The following VTA1 variants were observed in gnomAD, a reference collection of about 807,000 sequenced individuals.
The protein encoded by VTA1 is vesicle trafficking 1, also known as vacuolar protein sorting-associated protein VTA1 homolog.
VTA1 carries 24 observed loss-of-function variants against 36.9 expected under a neutral mutation model. That is an observed-to-expected ratio of 0.65 (90% CI 0.47 to 0.91). The LOEUF (loss-of-function observed/expected upper bound fraction) is 0.91, where lower values mean the gene tolerates loss of function less well. Among genes scored for constraint, VTA1 ranks in the 40% least tolerant of loss-of-function variants. The pLI is 0.00. For synonymous variants in VTA1, 142 were observed against 130.2 expected (o/e 1.09, Z -0.62); for missense variants, 393 against 377.2 (o/e 1.04, Z -0.35).
chr6:142,220,030 A>G lies in VTA1; in HGVS notation c.*1387A>G, dbSNP rs942376085. ...GGAAAAAACAAATCACTAACTCATA[A>G]TCATTTATATCCATTATTTTCTGCA... On this transcript the variant is annotated 3_prime_UTR_variant, in exon 8 of 8. Coordinates refer to ENST00000367630, the MANE Select transcript of VTA1 (RefSeq NM_016485.5). The G allele has an allele frequency of 3.3e-5, 5 of 152,182 alleles. No individual in the cohort carries two copies. The highest frequency in any genetic ancestry group is 5.9e-5 in the Non-Finnish European group (4 of 68,030). The allele number at this position is 152,182 out of a possible 1,614,324, so 9.4% of individuals were successfully genotyped here.
At chr6:142,200,964 AC>A (rs1265485349) in intron 6 of VTA1, among the ~76,000 whole-genome samples, 1 of 151,980 alleles carries the variant, frequency 6.6e-6, no homozygotes, top group Admixed American at 6.5e-5. Context: ...CTCTCAAGAG[AC>A]TAAGCAATTA....
chr6:142,165,625 A>T (rs1774897219), intron 1 of VTA1, among the ~76,000 whole-genome samples: 2 of 152,222 alleles, frequency 1.3e-5, no homozygotes, highest in African/African-American at 4.8e-5. Context: ...TGTAAACATC[A>T]GTGGTAACAG....
In VTA1 at chr6:142,220,057, A is replaced by G. The variant is rs993558333; in HGVS notation, c.*1414A>G. ...CATTTATATCCATTATTTTCTGCAT[A>G]AATGTAATGCTATTGTACAGGGTTT... On this transcript the variant is annotated 3_prime_UTR_variant, in exon 8 of 8. Transcript: ENST00000367630. 2 of 152,224 alleles carry G rather than the reference A, an allele frequency of 1.3e-5. No individual in the cohort carries two copies. The highest frequency in any genetic ancestry group is 2.9e-5 in the Non-Finnish European group (2 of 68,050). The allele number at this position is 152,224 out of a possible 1,614,324, so 9.4% of individuals were successfully genotyped here.
In VTA1 at chr6:142,177,375, C is replaced by G. The variant is rs9389976; in HGVS notation, c.411+6954C>G. On this transcript the variant is annotated intron_variant, in intron 4 of 7. Transcript: ENST00000367630. ...TAAGTTAACTTATGTAAGCCTGTTTCAACATACGTAAGATGATGAAAATTG... is the reference window on the plus strand; with the variant it reads ...TAAGTTAACTTATGTAAGCCTGTTTGAACATACGTAAGATGATGAAAATTG... Among the ~76,000 whole-genome samples the G allele has an allele frequency of 5.3e-5, 8 of 152,274 alleles. No homozygotes were observed. In the East Asian group the frequency reaches 1.5e-3, roughly 29 times the overall value.
At chr6:142,192,700 ATTTG>A (rs1775477361) in intron 5 of VTA1, among the ~76,000 whole-genome samples, 1 of 85,006 alleles carries the variant, frequency 1.2e-5, no homozygotes, top group Non-Finnish European at 2.5e-5. Flanking sequence ...TATTTTATAT[ATTTG>A]TGTGTGTGTG....
At chr6:142,148,512 G>A (rs9399394) in intron 1 of VTA1, among the ~76,000 whole-genome samples, 39,662 of 152,000 alleles carry the variant, frequency 0.26, 5,845 homozygotes, top group East Asian at 0.68. Flanking sequence ...TCCTCAAGCA[G>A]GGTCCATATT....
chr6:142,150,713 G>A (rs1778551335), intron 1 of VTA1, among the ~76,000 whole-genome samples: 3 of 152,122 alleles, frequency 2.0e-5, no homozygotes, highest in African/African-American at 7.2e-5. Context: ...GGGAGTTCAA[G>A]ACCAGCCTGA....
At position 142,200,247 on chromosome 6, in the gene VTA1, T is replaced by G. The variant is rs1405656581; in HGVS notation, c.697+1632T>G. ...GGGAAAAACTGTAAAAATGGACTAG[T>G]AGTAGGCCTATCACAAAATCAGTGT... On this transcript the variant is annotated intron_variant, in intron 6 of 7. Coordinates refer to ENST00000367630, the MANE Select transcript of VTA1 (RefSeq NM_016485.5). Among the ~76,000 whole-genome samples, 11 of 152,082 alleles carry G rather than the reference T, an allele frequency of 7.2e-5. No homozygotes were observed. In the East Asian group the frequency reaches 2.1e-3, roughly 29 times the overall value.
At chr6:142,187,628 T>C (rs1176471312) in intron 4 of VTA1, among the ~76,000 whole-genome samples, 1 of 152,214 alleles carries the variant, frequency 6.6e-6, no homozygotes, top group Non-Finnish European at 1.5e-5. Context: ...ATACTTCTGT[T>C]GGAAAGCTCA....
intron 5 of VTA1, among the ~76,000 whole-genome samples, chr6:142,190,412 A>G (rs1029779131): frequency 6.6e-6 from 1 of 152,178 alleles, no homozygotes; most frequent in African/African-American, 2.4e-5. Context: ...CTGGTAATAT[A>G]CATACTGTTC....
At position 142,221,227 on chromosome 6, in the gene VTA1, T is replaced by G. The variant is rs917324721; in HGVS notation, c.*2584T>G. 1.3e-5 allele frequency: 2 copies of G among 152,222 alleles called. No homozygotes were observed. The highest frequency in any genetic ancestry group is 2.4e-5 in the African/African-American group (1 of 41,454). The allele number at this position is 152,222 out of a possible 1,614,324, so 9.4% of individuals were successfully genotyped here. On this transcript the variant is annotated 3_prime_UTR_variant, in exon 8 of 8. Transcript: ENST00000367630. ...GTTCTGGGGACCACACTATGGGAACTTCTGTATTAAATAGTGATAAATGCT... is the reference window on the plus strand; with the variant it reads ...GTTCTGGGGACCACACTATGGGAACGTCTGTATTAAATAGTGATAAATGCT...
chr6:142,182,490 T>C (rs971279160), intron 4 of VTA1, among the ~76,000 whole-genome samples: 4 of 152,216 alleles, frequency 2.6e-5, no homozygotes, highest in Non-Finnish European at 5.9e-5. Context: ...TAATGCTTGC[T>C]AGGACCAGAG....
chr6:142,181,354 C>T (rs1359572913), intron 4 of VTA1, among the ~76,000 whole-genome samples: 3 of 148,268 alleles, frequency 2.0e-5, no homozygotes, highest in East Asian at 2.0e-4. Context: ...AGGATGGTCT[C>T]AATCTCCTGA....
chr6:142,177,475 CATGT>C (rs145389776), intron 4 of VTA1, among the ~76,000 whole-genome samples: 2,137 of 152,212 alleles, frequency 0.014, 44 homozygotes, highest in African/African-American at 0.049. Flanking sequence ...AAGTGCCTAG[CATGT>C]AAGTGCTTTA....
chr6:142,221,129 A>G lies in VTA1; in HGVS notation c.*2486A>G, dbSNP rs1776101975. The stretch of plus-strand genomic sequence containing the variant: ...AAATATTGCAAGTCTGAGAAAAGAG[A>G]TTCTCCTCAAACCGGTTCTCAAAGG... On this transcript the variant is annotated 3_prime_UTR_variant, in exon 8 of 8. Coordinates refer to ENST00000367630, the MANE Select transcript of VTA1 (RefSeq NM_016485.5). The G allele has an allele frequency of 6.6e-6, 1 of 152,146 alleles. No homozygotes were observed. Among genetic ancestry groups the G allele is most frequent in the African/African-American group, 2.4e-5 (1 of 41,428 alleles). 9.4% of individuals were successfully genotyped at this position (152,146 alleles called of 1,614,324 possible). A position where few individuals can be genotyped will look rare whatever the true frequency, so the allele number is the denominator to read the frequency against.
intron 1 of VTA1, among the ~76,000 whole-genome samples, chr6:142,147,771 G>A (rs1403789860): frequency 6.6e-6 from 1 of 152,208 alleles, no homozygotes; most frequent in Non-Finnish European, 1.5e-5. Context: ...GAAAGAAGGA[G>A]TGATGTGGAT....
intron 4 of VTA1, among the ~76,000 whole-genome samples, chr6:142,187,110 A>G (rs1055211963): frequency 7.9e-5 from 12 of 152,220 alleles, no homozygotes; most frequent in Non-Finnish European, 1.8e-4. Context: ...ATTTGGATAT[A>G]TAAAACATAA....
intron 4 of VTA1, among the ~76,000 whole-genome samples, chr6:142,181,116 T>TATATACAC (rs753996612): frequency 2.8e-3 from 247 of 86,980 alleles, no homozygotes; most frequent in African/African-American, 8.5e-3. Context: ...TATATATATA[T>TATATACAC]ACACACACAC....
At chr6:142,147,526 ACCCAGGGAACT>A (rs1164294524) in intron 1 of VTA1, 127 bp downstream of exon 1, 15 of 932,884 alleles carry the variant, frequency 1.6e-5, no homozygotes, top group Non-Finnish European at 2.4e-5. Context: ...CCTCGAGCCT[ACCCAGGGAACT>A]CCCTGGGTTC....
Sources: allele counts gnomAD v4.1 joint callset (sites outside exome capture counted in the v4.1 genomes callset), GRCh38; gene constraint gnomAD v4.1.1; transcripts MANE v1.5; gene names NCBI Gene and HGNC (gene_info 2026-07-23, HGNC 2026-07-21).